Variants in DSCAM observed in about 807,000 individuals in gnomAD.
DSCAM encodes DS cell adhesion molecule, also known as cell adhesion molecule DSCAM.
In DSCAM, 47 loss-of-function variants were observed where a neutral mutation model predicts 217.7. The observed-to-expected ratio is 0.22, with a 90% CI of 0.17 to 0.28. The LOEUF (loss-of-function observed/expected upper bound fraction) is 0.28. Among genes scored for constraint, DSCAM ranks in the 10% least tolerant of loss-of-function variants. The probability of loss-of-function intolerance (pLI) is 1.00; values close to 1 mark genes in which losing one functional copy is unlikely to be tolerated. For synonymous variants in DSCAM, 1,056 were observed against 1,015.3 expected, an observed-to-expected ratio of 1.04 and a Z score of -0.76; for missense variants, 2,080 against 2,618.3, an observed-to-expected ratio of 0.79 and a Z score of 4.49.
At chr21:40,642,344 A>C (rs372118) in intron 3 of DSCAM, among the ~76,000 whole-genome samples, 152,143 of 152,218 alleles carry the variant, frequency 1, 76,034 homozygotes, top group Non-Finnish European at 1. Flanking sequence ...AGGCACGATA[A>C]GTATGTATCC....
intron 28 of DSCAM, among the ~76,000 whole-genome samples, chr21:40,061,077 A>G (rs1043922750): frequency 1.3e-5 from 2 of 152,232 alleles, no homozygotes; most frequent in Admixed American, 1.3e-4. Context: ...GATTTCTGCT[A>G]CCAGTTGTCT....
At chr21:40,780,239 A>T (rs915284815) in intron 1 of DSCAM, among the ~76,000 whole-genome samples, 1 of 151,986 alleles carries the variant, frequency 6.6e-6, no homozygotes, top group East Asian at 1.9e-4. Flanking sequence ...TGTTCTTTCT[A>T]TCAGAAGCTA....
At chr21:40,839,725 C>T (rs919231513) in intron 1 of DSCAM, among the ~76,000 whole-genome samples, 1 of 152,082 alleles carries the variant, frequency 6.6e-6, no homozygotes, top group Non-Finnish European at 1.5e-5. Context: ...TGATCTCTTG[C>T]ATTTTCAATT....
intron 3 of DSCAM, among the ~76,000 whole-genome samples, chr21:40,549,967 T>A (rs2076616258): frequency 6.6e-6 from 1 of 151,958 alleles, no homozygotes. Context: ...AAGCAAAGAG[T>A]CTTGCTTTAT....
At chr21:40,239,903 C>T (rs80268177) in intron 11 of DSCAM, among the ~76,000 whole-genome samples, 1,774 of 152,264 alleles carry the variant, frequency 0.012, 30 homozygotes, top group African/African-American at 0.041. Flanking sequence ...GGGGTACATA[C>T]GCAGGGGCCT....
intron 3 of DSCAM, among the ~76,000 whole-genome samples, chr21:40,414,352 A>T (rs554048695): frequency 1.3e-5 from 2 of 152,316 alleles, no homozygotes; most frequent in African/African-American, 4.8e-5. Flanking sequence ...GTGAAAGGAG[A>T]TATATGAACA....
At chr21:40,165,465 C>T (rs957941211) in intron 16 of DSCAM, among the ~76,000 whole-genome samples, 2 of 152,210 alleles carry the variant, frequency 1.3e-5, no homozygotes, top group Non-Finnish European at 2.9e-5. Flanking sequence ...TGCACTCCTC[C>T]ATGAACAATG....
intron 3 of DSCAM, among the ~76,000 whole-genome samples, chr21:40,394,452 C>A (rs2123761234): frequency 6.6e-6 from 1 of 152,318 alleles, no homozygotes; most frequent in East Asian, 1.9e-4. Flanking sequence ...TATGAACCTG[C>A]ACTCAACAGG....
intron 1 of DSCAM, among the ~76,000 whole-genome samples, chr21:40,827,752 C>T (rs766911582): frequency 6.6e-5 from 10 of 152,134 alleles, no homozygotes; most frequent in African/African-American, 1.2e-4. Context: ...CAGTGGGCTC[C>T]ATTCTCAGGA....
intron 20 of DSCAM, among the ~76,000 whole-genome samples, chr21:40,096,549 G>A (rs1174838871): frequency 6.6e-6 from 1 of 152,020 alleles, no homozygotes; most frequent in Non-Finnish European, 1.5e-5. Flanking sequence ...AAAATATCAG[G>A]CTGCCTAACA....
At chr21:40,041,693 T>TGAA (rs1483250545) in intron 32 of DSCAM, among the ~76,000 whole-genome samples, 2 of 152,302 alleles carry the variant, frequency 1.3e-5, no homozygotes, top group East Asian at 3.9e-4. Flanking sequence ...GTGTTCAAGT[T>TGAA]GAAGACCAAA....
At chr21:40,261,803 C>A (rs2146980947) in intron 11 of DSCAM, among the ~76,000 whole-genome samples, 1 of 152,192 alleles carries the variant, frequency 6.6e-6, no homozygotes, top group South Asian at 2.1e-4. Context: ...AGAACCCTGA[C>A]AAATAGAAAT....
intron 3 of DSCAM, among the ~76,000 whole-genome samples, chr21:40,437,898 C>G (rs896273008): frequency 5.9e-5 from 9 of 152,178 alleles, no homozygotes; most frequent in Admixed American, 5.9e-4. Context: ...GGGGCACTGG[C>G]AGTCAGGCCC....
intron 3 of DSCAM, among the ~76,000 whole-genome samples, chr21:40,562,143 C>T (rs553795641): frequency 6.6e-6 from 1 of 152,302 alleles, no homozygotes; most frequent in South Asian, 2.1e-4. Flanking sequence ...TGTGTCCCCA[C>T]CTAAATCTCA....
intron 3 of DSCAM, among the ~76,000 whole-genome samples, chr21:40,555,889 G>C (rs182730869): frequency 2.0e-5 from 3 of 151,988 alleles, no homozygotes; most frequent in East Asian, 1.9e-4. Flanking sequence ...CCCCTTCCTC[G>C]GCCTCCCAAA....
chr21:40,420,479 C>A (rs2075412909), intron 3 of DSCAM, among the ~76,000 whole-genome samples: 1 of 152,108 alleles, frequency 6.6e-6, no homozygotes, highest in Non-Finnish European at 1.5e-5. Context: ...GGAATCAAGT[C>A]AAACTTTATG....
chr21:40,337,501 C>T (rs1387999632), intron 8 of DSCAM, among the ~76,000 whole-genome samples: 1 of 152,040 alleles, frequency 6.6e-6, no homozygotes, highest in Non-Finnish European at 1.5e-5. Context: ...TTGTTTTTTT[C>T]TGGTAAGGAG....
In DSCAM at chr21:40,246,544, GA is replaced by G. The variant is rs549164063; in HGVS notation, c.2356+29552del. Among the ~76,000 whole-genome samples the G allele has an allele frequency of 6.5e-3, 904 of 139,448 alleles. 12 individuals are homozygous for G. Among genetic ancestry groups the G allele is most frequent in the African/African-American group, 0.021 (799 of 38,284 alleles). The allele number at this position is 139,448 out of a possible 152,430, so 91.5% of individuals were successfully genotyped here. On this transcript the variant is annotated intron_variant, in intron 11 of 32. Transcript: ENST00000400454. Reference sequence around the variant, plus strand: ...CAACAGAGAGAGACTCTATATCAAAGAAAAAAAAAAAGAGGCCCCAGGAGAG... The same window carrying G: ...CAACAGAGAGAGACTCTATATCAAAGAAAAAAAAAAGAGGCCCCAGGAGAG...
chr21:40,035,756 T>A (rs1271263618), intron 32 of DSCAM, among the ~76,000 whole-genome samples: 2 of 149,864 alleles, frequency 1.3e-5, no homozygotes, highest in Non-Finnish European at 2.9e-5. Context: ...ATTGACCACA[T>A]ACTTGGAAGT....
Sources: gnomAD v4.1 joint callset for allele counts (sites outside exome capture counted in the v4.1 genomes callset) on GRCh38, gnomAD v4.1.1 for gene constraint, MANE v1.5 for transcripts, NCBI Gene and HGNC (gene_info 2026-07-23, HGNC 2026-07-21) for gene names.